The following STAT1 variants were observed in gnomAD, a reference collection of about 807,000 sequenced individuals.
The protein encoded by STAT1 is signal transducer and activator of transcription 1-alpha/beta.
Under a neutral mutation model 111.7 loss-of-function variants are expected in STAT1, and 24 were observed. The observed-to-expected ratio is 0.21, with a 90% CI of 0.16 to 0.30. STAT1 has a LOEUF of 0.30. Ranked by LOEUF, STAT1 falls within the 10% of genes least tolerant of loss-of-function variation. STAT1 has a pLI of 1.00. For synonymous variants in STAT1, 332 were observed against 326.5 expected (o/e 1.02, Z -0.18); for missense variants, 351 against 911.9 (o/e 0.38, Z 7.92).
chr2:190,994,927 AAT>A lies in STAT1; in HGVS notation c.944+132_944+133del, dbSNP rs1159903683. On this transcript the variant is annotated intron_variant, in intron 10 of 24. Coordinates refer to ENST00000361099, the MANE Select transcript of STAT1 (RefSeq NM_007315.4). ...GAGACTCTATCTCAAAAAAAAAAAAAATATATATATATATATATATATATATA... is the reference window on the plus strand; with the variant it reads ...GAGACTCTATCTCAAAAAAAAAAAAAATATATATATATATATATATATATA... 456 of 134,962 alleles carry A rather than the reference AAT, an allele frequency of 3.4e-3. 2 individuals are homozygous for A. The highest frequency in any genetic ancestry group is 0.014 in the South Asian group (83 of 6,130). The allele number at this position is 134,962 out of a possible 1,614,324, so 8.4% of individuals were successfully genotyped here. A position where few individuals can be genotyped will look rare whatever the true frequency, so the allele number is the denominator to read the frequency against.
rs1553495586 is a variant in STAT1, at chr2:190,991,286, T to C, written c.979A>G (p.Thr327Ala). The C allele has an allele frequency of 6.2e-7, 1 of 1,614,084 alleles. No individual in the cohort carries two copies. The highest frequency in any genetic ancestry group is 8.5e-7 in the Non-Finnish European group (1 of 1,179,984). The part of the protein sequence containing the change: ...FVVERQPCMP[T>A]HPQRPLVLKT... ...AAGACCAGCGGCCTCTGAGGGTGCG[T>C]TGGCATGCAGGGCTGTCTTTCCACC... The change falls in exon 11 of 25, where the codon ACG (threonine) becomes GCG (alanine). Residue 327 changes from threonine to alanine, a missense_variant. Coordinates refer to ENST00000361099, the MANE Select transcript of STAT1 (RefSeq NM_007315.4).
chr2:190,975,710 A>C lies in STAT1; in HGVS notation c.2135+102T>G. ...AAGTTCAGCTGTGATGGCGATAGCAATTACAATGGAAAAGTAAAATACAAG... is the reference window on the plus strand; with the variant it reads ...AAGTTCAGCTGTGATGGCGATAGCACTTACAATGGAAAAGTAAAATACAAG... On this transcript the variant is annotated intron_variant, in intron 23 of 24. Coordinates refer to ENST00000361099, the MANE Select transcript of STAT1 (RefSeq NM_007315.4). This position sits in a 1 kb window ranked among gnomAD's most constrained non-coding sequence, Gnocchi z 5.9. 6.4e-7 allele frequency: 1 copy of C among 1,565,056 alleles called. No homozygotes were observed. Among genetic ancestry groups the C allele is most frequent in the African/African-American group, 1.4e-5 (1 of 73,682 alleles).
At chr2:190,992,965 T>G (rs1693501760) in intron 10 of STAT1, 1 of 244,716 alleles carries the variant, frequency 4.1e-6, no homozygotes, top group South Asian at 5.5e-5. Flanking sequence ...AATTTTTGTA[T>G]TTTTAGTAGG....
chr2:190,979,890 T>C lies in STAT1; in HGVS notation c.1633-24A>G. 6.6e-7 allele frequency: 1 copy of C among 1,508,600 alleles called. No individual in the cohort carries two copies. Among genetic ancestry groups the C allele is most frequent in the South Asian group, 1.1e-5 (1 of 88,824 alleles). The allele number at this position is 1,508,600 out of a possible 1,614,324, so 93.5% of individuals were successfully genotyped here. ...TCCTGAAAGTATACAAATGCAGACA[T>C]TATGAACAAAAATCTAAAACAATGA... On this transcript the variant is annotated intron_variant, in intron 19 of 24. Transcript: ENST00000361099. The surrounding 1 kb of genome is among the most constrained non-coding windows in gnomAD (Gnocchi z 5.8).
In STAT1 at chr2:190,975,730, T is replaced by G. The variant is rs1691858237; in HGVS notation, c.2135+82A>C. ...TAGCAATTACAATGGAAAAGTAAAA[T>G]ACAAGCATCTTCAACAGGCCCCAGC... On this transcript the variant is annotated intron_variant, in intron 23 of 24. Coordinates refer to ENST00000361099, the MANE Select transcript of STAT1 (RefSeq NM_007315.4). The surrounding 1 kb of genome is among the most constrained non-coding windows in gnomAD (Gnocchi z 5.9). 2 of 1,586,944 alleles carry G rather than the reference T, an allele frequency of 1.3e-6. No individual in the cohort carries two copies. Among genetic ancestry groups the G allele is most frequent in the Non-Finnish European group, 1.7e-6 (2 of 1,165,714 alleles).
chr2:191,011,579 T>G (rs796347842), intron 2 of STAT1, among the ~76,000 whole-genome samples: 12 of 152,110 alleles, frequency 7.9e-5, no homozygotes, highest in African/African-American at 2.9e-4. Flanking sequence ...GGTTTGGCTC[T>G]ATGCCCCCAC....
chr2:190,986,731 A>C lies in STAT1; in HGVS notation c.1221+123T>G. 1.1e-6 allele frequency: 1 copy of C among 942,458 alleles called. No homozygotes were observed. Among genetic ancestry groups the C allele is most frequent in the Non-Finnish European group, 1.7e-6 (1 of 580,038 alleles). 58.4% of individuals were successfully genotyped at this position (942,458 alleles called of 1,614,324 possible). On this transcript the variant is annotated intron_variant, in intron 14 of 24. Coordinates refer to ENST00000361099, the MANE Select transcript of STAT1 (RefSeq NM_007315.4). The surrounding 1 kb of genome is among the most constrained non-coding windows in gnomAD (Gnocchi z 5.0). Reference sequence around the variant, plus strand: ...TACTGGCGACAGGAAGACACCAGCCACAAAGTCTACAAACCCCAGCAGGGG... The same window carrying C: ...TACTGGCGACAGGAAGACACCAGCCCCAAAGTCTACAAACCCCAGCAGGGG...
Position 190,975,764 on chromosome 2 carries a change from A to G in STAT1, c.2135+48T>C, listed in dbSNP as rs753796178. 2 of 1,613,044 alleles carry G rather than the reference A, an allele frequency of 1.2e-6. No individual in the cohort carries two copies. Among genetic ancestry groups the G allele is most frequent in the Admixed American group, 3.3e-5 (2 of 59,952 alleles). On this transcript the variant is annotated intron_variant, in intron 23 of 24. Transcript: ENST00000361099. This position sits in a 1 kb window ranked among gnomAD's most constrained non-coding sequence, Gnocchi z 5.9. ...CTTCAACAGGCCCCAGCCAGGAGCA[A>G]GGCTGGCTTGAGGTTTGTAAACATG... is the stretch of plus-strand genomic sequence containing the variant.
chr2:190,989,996 A>T lies in STAT1; in HGVS notation c.1038-322T>A, dbSNP rs1417313862. 6.6e-6 allele frequency among the ~76,000 whole-genome samples: 1 copy of T among 152,222 alleles called. No homozygotes were observed. The highest frequency in any genetic ancestry group is 2.4e-5 in the African/African-American group (1 of 41,464). On this transcript the variant is annotated intron_variant, in intron 11 of 24. Coordinates refer to ENST00000361099, the MANE Select transcript of STAT1 (RefSeq NM_007315.4). This position sits in a 1 kb window ranked among gnomAD's most constrained non-coding sequence, Gnocchi z 5.0. Reference sequence around the variant, plus strand: ...CTTGCCAATATTCAGTTTCATCACAATTTCGACCTTTGGCCAATTTATATG... The same window carrying T: ...CTTGCCAATATTCAGTTTCATCACATTTTCGACCTTTGGCCAATTTATATG...
chr2:190,993,353 C>G lies in STAT1; in HGVS notation c.944+1708G>C. On this transcript the variant is annotated intron_variant, in intron 10 of 24. Coordinates refer to ENST00000361099, the MANE Select transcript of STAT1 (RefSeq NM_007315.4). The surrounding 1 kb of genome is among the most constrained non-coding windows in gnomAD (Gnocchi z 4.1). ...ATAACTGGAGATGACTGTTCGAAAC[C>G]TTTCCTGTTCTGCTGTGTTCCATAT... 1.9e-6 allele frequency: 2 copies of G among 1,063,986 alleles called. No individual in the cohort carries two copies. The allele number at this position is 1,063,986 out of a possible 1,614,324, so 65.9% of individuals were successfully genotyped here. A position where few individuals can be genotyped will look rare whatever the true frequency, so the allele number is the denominator to read the frequency against.
At chr2:191,009,197 A>G in intron 3 of STAT1, 90 bp from the exon 4 acceptor site, 2 of 1,414,778 alleles carry the variant, frequency 1.4e-6, no homozygotes, top group Non-Finnish European at 1.9e-6. Flanking sequence ...TATTGAAATT[A>G]TTAAAAATAA....
Position 190,983,865 on chromosome 2 carries a change from G to A in STAT1, c.1348-125C>T, listed in dbSNP as rs1313542673. The stretch of plus-strand genomic sequence containing the variant: ...TTGTACATATTTAATACTTGAAAAT[G>A]AGAAGTGTTAAGTTCTGTTCTTCTG... On this transcript the variant is annotated intron_variant, in intron 16 of 24. Coordinates refer to ENST00000361099, the MANE Select transcript of STAT1 (RefSeq NM_007315.4). The surrounding 1 kb of genome is among the most constrained non-coding windows in gnomAD (Gnocchi z 5.7). 3.6e-6 allele frequency: 3 copies of A among 824,560 alleles called. No individual in the cohort carries two copies. Among genetic ancestry groups the A allele is most frequent in the Non-Finnish European group, 6.1e-6 (3 of 491,480 alleles). 51.1% of individuals were successfully genotyped at this position (824,560 alleles called of 1,614,324 possible).
intron 5 of STAT1, among the ~76,000 whole-genome samples, chr2:191,002,609 C>T (rs893054966): frequency 6.6e-6 from 1 of 152,166 alleles, no homozygotes; most frequent in African/African-American, 2.4e-5. Context: ...GAGCTAACAT[C>T]TTTATGATGT....
Position 190,969,723 on chromosome 2 carries a change from A to G in STAT1, c.*980T>C, listed in dbSNP as rs1477395561. 3 of 152,198 alleles carry G rather than the reference A, an allele frequency of 2.0e-5. No individual in the cohort carries two copies. The highest frequency in any genetic ancestry group is 2.9e-5 in the Non-Finnish European group (2 of 68,016). The allele number at this position is 152,198 out of a possible 1,614,324, so 9.4% of individuals were successfully genotyped here. A position where few individuals can be genotyped will look rare whatever the true frequency, so the allele number is the denominator to read the frequency against. On this transcript the variant is annotated 3_prime_UTR_variant, in exon 25 of 25. Coordinates refer to ENST00000361099, the MANE Select transcript of STAT1 (RefSeq NM_007315.4). Reference sequence around the variant, plus strand: ...CATATTATCTCTGGTGTATTATTCAAGTTGTCAGTTACTGCTTTTTCTACT... The same window carrying G: ...CATATTATCTCTGGTGTATTATTCAGGTTGTCAGTTACTGCTTTTTCTACT...
chr2:190,975,275 A>G lies in STAT1; in HGVS notation c.2136-343T>C. 2 of 472,366 alleles carry G rather than the reference A, an allele frequency of 4.2e-6. No individual in the cohort carries two copies. The highest frequency in any genetic ancestry group is 8.6e-6 in the Non-Finnish European group (2 of 233,022). The allele number at this position is 472,366 out of a possible 1,614,324, so 29.3% of individuals were successfully genotyped here. On this transcript the variant is annotated intron_variant, in intron 23 of 24. Coordinates refer to ENST00000361099, the MANE Select transcript of STAT1 (RefSeq NM_007315.4). The surrounding 1 kb of genome is among the most constrained non-coding windows in gnomAD (Gnocchi z 5.9). ...CGTGGCTTACCCTGGACAGAAAAGC[A>G]CCAGAGAAATGTCTGGGGAGTCCCT... is the stretch of plus-strand genomic sequence containing the variant.
intron 5 of STAT1, among the ~76,000 whole-genome samples, chr2:191,001,678 C>A (rs961791950): frequency 4.6e-5 from 7 of 152,152 alleles, no homozygotes. Flanking sequence ...TCCATTAAGG[C>A]CATCAATGAA....
Position 190,978,834 on chromosome 2 carries a change from ATG to A in STAT1, c.1873+20_1873+21del. 1 of 1,613,178 alleles carries A rather than the reference ATG, an allele frequency of 6.2e-7. No individual in the cohort carries two copies. The highest frequency in any genetic ancestry group is 8.5e-7 in the Non-Finnish European group (1 of 1,179,772). ...TTCACACACATGGAATGGTGGGACT[ATG>A]TGCTCAAACTCCCACTCACCGCCTC... On this transcript the variant is annotated intron_variant, in intron 21 of 24. Coordinates refer to ENST00000361099, the MANE Select transcript of STAT1 (RefSeq NM_007315.4). This position sits in a 1 kb window ranked among gnomAD's most constrained non-coding sequence, Gnocchi z 6.1.
intron 10 of STAT1, among the ~76,000 whole-genome samples, chr2:190,991,621 G>C (rs1423253796): frequency 6.6e-6 from 1 of 152,138 alleles, no homozygotes; most frequent in Non-Finnish European, 1.5e-5. Context: ...CACTTTAAGA[G>C]GCTGAGGTGT....
rs1369581737 is a variant in STAT1, at chr2:190,984,591, G to A, written c.1264-198C>T. Reference sequence around the variant, plus strand: ...GTGCTCTGAAAGATAAGTGTCTGAAGTTACGGCAAGGGTTATAGATTCAGA... The same window carrying A: ...GTGCTCTGAAAGATAAGTGTCTGAAATTACGGCAAGGGTTATAGATTCAGA... On this transcript the variant is annotated intron_variant, in intron 15 of 24. Coordinates refer to ENST00000361099, the MANE Select transcript of STAT1 (RefSeq NM_007315.4). The surrounding 1 kb of genome is among the most constrained non-coding windows in gnomAD (Gnocchi z 5.2). 6.6e-6 allele frequency among the ~76,000 whole-genome samples: 1 copy of A among 152,198 alleles called. No homozygotes were observed. The highest frequency in any genetic ancestry group is 1.9e-4 in the East Asian group (1 of 5,198).
Sources: allele counts gnomAD v4.1 joint callset (sites outside exome capture counted in the v4.1 genomes callset), GRCh38; gene constraint gnomAD v4.1.1; non-coding constraint Gnocchi (gnomAD v3.1); transcripts MANE v1.5; gene names NCBI Gene and HGNC (gene_info 2026-07-23, HGNC 2026-07-21).